The following TMX2 variants were observed in gnomAD, a reference collection of about 807,000 sequenced individuals.
The protein encoded by TMX2 is thioredoxin related transmembrane protein 2, also known as thioredoxin-related transmembrane protein 2.
Under a neutral mutation model 33.4 loss-of-function variants are expected in TMX2, and 20 were observed. The observed-to-expected ratio is 0.60, with a 90% confidence interval of 0.42 to 0.87. TMX2 has a LOEUF of 0.87. TMX2 is among the 40% of genes least tolerant of loss of function. The pLI, the probability that TMX2 is intolerant of heterozygous loss-of-function variation, is 0.00. For missense variants in TMX2, 340 were observed against 370.7 expected (o/e 0.92, Z 0.68); for synonymous variants, 166 against 140.7 (o/e 1.18, Z -1.27).
chr11:57,715,794 A>T (rs988585180), intron 1 of TMX2, among the ~76,000 whole-genome samples: 2 of 151,370 alleles, frequency 1.3e-5, no homozygotes, highest in Admixed American at 6.6e-5. Context: ...CTTAACGAGC[A>T]TGCTGCCTTC....
At chr11:57,717,187 C>T (rs972030616) in intron 1 of TMX2, among the ~76,000 whole-genome samples, 3 of 151,578 alleles carry the variant, frequency 2.0e-5, no homozygotes, top group African/African-American at 7.3e-5. Flanking sequence ...GATGGGATGG[C>T]GGCCGGGCAG....
intron 1 of TMX2, among the ~76,000 whole-genome samples, chr11:57,727,633 T>C (rs936741708): frequency 6.6e-6 from 1 of 152,210 alleles, no homozygotes; most frequent in Non-Finnish European, 1.5e-5. Context: ...TACCCCAAAA[T>C]CTGTTTCCTT....
intron 1 of TMX2, among the ~76,000 whole-genome samples, chr11:57,713,614 A>C (rs1035875347): frequency 6.6e-6 from 1 of 152,142 alleles, no homozygotes; most frequent in Non-Finnish European, 1.5e-5. Flanking sequence ...TTGTTGAAAA[A>C]TCAACCGACA....
intron 1 of TMX2, chr11:57,717,951 C>T (rs1474136011): frequency 1.4e-6 from 1 of 696,850 alleles, no homozygotes; most frequent in Non-Finnish European, 2.6e-6. Flanking sequence ...TTCTAGGATA[C>T]TGCGAGCAAA....
intron 1 of TMX2, among the ~76,000 whole-genome samples, chr11:57,737,159 C>G (rs1305141073): frequency 6.6e-6 from 1 of 152,174 alleles, no homozygotes; most frequent in Non-Finnish European, 1.5e-5. Context: ...GCAGGCCTGG[C>G]GCGGTGGCTC....
In TMX2 at chr11:57,712,650, T is replaced by C; in HGVS notation, c.32T>C (p.Val11Ala). 2 of 1,614,142 alleles carry C rather than the reference T, an allele frequency of 1.2e-6. No homozygotes were observed. Among genetic ancestry groups the C allele is most frequent in the South Asian group, 1.1e-5 (1 of 91,076 alleles). The change falls in exon 1 of 8, where the codon GTG becomes GCG. Residue 11 changes from valine (V) to alanine (A), a missense_variant. Coordinates refer to ENST00000278422, the MANE Select transcript of TMX2 (RefSeq NM_015959.4). ...GTCTTGGCACCTCTAATTGCTCTCG[T>C]GTATTCGGTGCCGCGACTTTCACGA... The part of the protein sequence containing the change: MAVLAPLIAL[V>A]YSVPRLSRWL...
At chr11:57,723,864 A>C (rs1947801696) in intron 1 of TMX2, among the ~76,000 whole-genome samples, 1 of 148,700 alleles carries the variant, frequency 6.7e-6, no homozygotes, top group South Asian at 2.1e-4. Context: ...TAATGAAGAA[A>C]ATTATACAGA....
chr11:57,733,247 A>ATT (rs71061537), intron 1 of TMX2, among the ~76,000 whole-genome samples: 804 of 74,770 alleles, frequency 0.011, no homozygotes, highest in Non-Finnish European at 0.012. Context: ...ACAGTGAGGA[A>ATT]TTTTTTTTTT....
intron 1 of TMX2, 85 bp downstream of exon 1, chr11:57,712,892 C>T: frequency 2.1e-6 from 3 of 1,403,398 alleles, no homozygotes; most frequent in Non-Finnish European, 3.0e-6. Flanking sequence ...GTTTACCTCT[C>T]TGAGGACACC....
intron 1 of TMX2, among the ~76,000 whole-genome samples, chr11:57,734,773 T>TA (rs1323324644): frequency 6.6e-6 from 1 of 151,720 alleles, no homozygotes; most frequent in African/African-American, 2.4e-5. Flanking sequence ...AAATAAAAAA[T>TA]AAAAATAAAT....
At chr11:57,737,891 C>T in intron 2 of TMX2, 22 bp from the exon 3 acceptor site, 1 of 1,614,208 alleles carries the variant, frequency 6.2e-7, no homozygotes, top group African/African-American at 1.3e-5. Context: ...CCAGCCTGAC[C>T]TGTGACATCT....
intron 1 of TMX2, among the ~76,000 whole-genome samples, chr11:57,724,268 C>T (rs1947829709): frequency 6.6e-6 from 1 of 152,036 alleles, no homozygotes. Flanking sequence ...CCAGATAATG[C>T]CATTATAAGG....
chr11:57,724,345 G>T (rs1947835182), intron 1 of TMX2, among the ~76,000 whole-genome samples: 1 of 152,152 alleles, frequency 6.6e-6, no homozygotes, highest in Non-Finnish European at 1.5e-5. Context: ...TACCCCAGAT[G>T]AAGCAGTTAG....
In TMX2 at chr11:57,726,810, T is replaced by C. The variant is rs79047721; in HGVS notation, c.190-10798T>C. ...AGGATGCTATACCTATGGAGATAAA[T>C]TGGCGGAAAGAGAGATTAAATTTAT... On this transcript the variant is annotated intron_variant, in intron 1 of 7. Coordinates refer to ENST00000278422, the MANE Select transcript of TMX2 (RefSeq NM_015959.4). Among the ~76,000 whole-genome samples the C allele has an allele frequency of 8.5e-4, 129 of 152,334 alleles. 1 individual carries two copies. Among genetic ancestry groups the C allele is most frequent in the African/African-American group, 2.9e-3 (121 of 41,568 alleles).
rs758738502 is a variant in TMX2 at position 57,739,224 on chromosome 11, C to T, written c.708C>T (p.Asp236=). Residue 236 remains aspartate (D), a synonymous_variant, in exon 7 of 8, where the codon GAC becomes GAT. Transcript: ENST00000278422. ...GKEAMRRPQI[D]KKGRAVSWTF... Reference sequence around the variant, plus strand: ...AGGCAATGCGGCGGCCACAGATTGACAAGAAAGGACGGGCTGTCTCATGGA... The same window carrying T: ...AGGCAATGCGGCGGCCACAGATTGATAAGAAAGGACGGGCTGTCTCATGGA... 26 of 1,613,952 alleles carry T rather than the reference C, an allele frequency of 1.6e-5. No homozygotes were observed. The South Asian group carries it at 2.7e-4, about 17-fold the overall frequency.
At chr11:57,712,896 G>C in intron 1 of TMX2, 89 bp downstream of exon 1, 2 of 1,406,052 alleles carry the variant, frequency 1.4e-6, no homozygotes, top group African/African-American at 1.4e-5. Flanking sequence ...ACCTCTCTGA[G>C]GACACCTGAG....
chr11:57,729,471 A>G (rs1274676880), intron 1 of TMX2, among the ~76,000 whole-genome samples: 1 of 152,168 alleles, frequency 6.6e-6, no homozygotes, highest in Non-Finnish European at 1.5e-5. Flanking sequence ...GTGTGTGTGT[A>G]TTTAAAGGCC....
At chr11:57,718,479 G>A (rs546346416) in intron 1 of TMX2, 166 of 917,884 alleles carry the variant, frequency 1.8e-4, no homozygotes, top group Non-Finnish European at 2.8e-4. Context: ...AAGGAGATGC[G>A]GCCCAGGGGC....
chr11:57,714,911 AT>A (rs1946878475), intron 1 of TMX2, among the ~76,000 whole-genome samples: 1 of 152,136 alleles, frequency 6.6e-6, no homozygotes, highest in African/African-American at 2.4e-5. Flanking sequence ...GGCCGTTTTA[AT>A]TTTTAGTGAT....
Sources: allele counts gnomAD v4.1 joint callset (sites outside exome capture counted in the v4.1 genomes callset), GRCh38; gene constraint gnomAD v4.1.1; transcripts MANE v1.5; gene names NCBI Gene and HGNC (gene_info 2026-07-23, HGNC 2026-07-21).